The following TTC7B variants were observed in gnomAD, a reference collection of about 807,000 sequenced individuals.
TTC7B encodes the protein tetratricopeptide repeat protein 7B.
Under a neutral mutation model 106.8 loss-of-function variants are expected in TTC7B, and 28 were observed. The observed-to-expected ratio is 0.26, with a 90% CI of 0.19 to 0.36. TTC7B has a LOEUF of 0.36. Among genes scored for constraint, TTC7B ranks in the 10% least tolerant of loss-of-function variants. The probability of loss-of-function intolerance (pLI) is 1.00; values close to 1 mark genes in which losing one functional copy is unlikely to be tolerated. For missense variants in TTC7B, 862 were observed against 1,076.4 expected, an observed-to-expected ratio of 0.80 and a Z score of 2.79; for synonymous variants, 405 against 430.6, an observed-to-expected ratio of 0.94 and a Z score of 0.74.
intron 2 of TTC7B, among the ~76,000 whole-genome samples, 189 bp from the exon 3 acceptor site, chr14:90,781,095 G>A (rs1891206491): frequency 6.6e-6 from 1 of 152,146 alleles, no homozygotes. Flanking sequence ...ACCAAAATGT[G>A]GGCTAGCCAT....
Position 90,669,324 on chromosome 14 carries a change from C to G in TTC7B, c.1152+7199G>C, listed in dbSNP as rs116797335. Among the ~76,000 whole-genome samples, 1,307 of 152,234 alleles carry G rather than the reference C, an allele frequency of 8.6e-3. 15 individuals are homozygous for G. The highest frequency in any genetic ancestry group is 0.03 in the African/African-American group (1,249 of 41,538). Reference sequence around the variant, plus strand: ...TGGCAATGGATTCTTAGTTATGACACCAAAGGCATAAGCAACAAAATAAAA... The same window carrying G: ...TGGCAATGGATTCTTAGTTATGACAGCAAAGGCATAAGCAACAAAATAAAA... On this transcript the variant is annotated intron_variant, in intron 9 of 19. Coordinates refer to ENST00000328459, the MANE Select transcript of TTC7B (RefSeq NM_001010854.2).
chr14:90,657,274 G>A lies in TTC7B; in HGVS notation c.1241C>T (p.Ala414Val). 1.2e-6 allele frequency: 2 copies of A among 1,613,354 alleles called. No individual in the cohort carries two copies. The highest frequency in any genetic ancestry group is 8.5e-7 in the Non-Finnish European group (1 of 1,179,816). Reference protein sequence around the residue: ...ALSLMAAGKSARAVKVLKECI... With the variant: ...ALSLMAAGKSVRAVKVLKECI... ...CTCTTTCAGCACCTTCACGGCACGG[G>A]CAGACTTGGCAAGAGAAGATTATTT... Residue 414 changes from alanine (A) to valine (V), a missense_variant, in exon 11 of 20, where the codon GCC (alanine) becomes GTC (valine). By Grantham distance (64) the Ala-to-Val change is moderately conservative. Transcript: ENST00000328459. The surrounding 1 kb of genome is among the most constrained non-coding windows in gnomAD (Gnocchi z 4.2).
At chr14:90,711,209 A>G (rs1888431412) in intron 5 of TTC7B, among the ~76,000 whole-genome samples, 1 of 152,234 alleles carries the variant, frequency 6.6e-6, no homozygotes, top group South Asian at 2.1e-4. Flanking sequence ...AAAAGACTGT[A>G]TAAATATTGT....
At position 90,541,400 on chromosome 14, in the gene TTC7B, C is replaced by G. The variant is rs767640360; in HGVS notation, c.2500G>C (p.Val834Leu). The change falls in exon 20 of 20, where the codon GTG becomes CTG. Residue 834 changes from valine to leucine, a missense_variant. Coordinates refer to ENST00000328459, the MANE Select transcript of TTC7B (RefSeq NM_001010854.2). Reference protein sequence around the residue: ...ALELEASSPAVPFTIIPRVL With the variant: ...ALELEASSPALPFTIIPRVL ...ACGCGGGGGATGATGGTGAAGGGCACGGCGGGGCTGCTGGCCTCCAGCTCC... is the reference window on the plus strand; with the variant it reads ...ACGCGGGGGATGATGGTGAAGGGCAGGGCGGGGCTGCTGGCCTCCAGCTCC... The G allele has an allele frequency of 1.2e-6, 2 of 1,608,128 alleles. No individual in the cohort carries two copies. The highest frequency in any genetic ancestry group is 1.7e-4 in the Middle Eastern group (1 of 6,040).
intron 1 of TTC7B, among the ~76,000 whole-genome samples, chr14:90,797,222 AG>A (rs1337559163): frequency 1.9e-5 from 2 of 104,476 alleles, no homozygotes; most frequent in African/African-American, 5.3e-5. Flanking sequence ...TGGGGGGCCA[AG>A]GTGGGTGGAT....
At chr14:90,767,028 CAAAAAAAA>C (rs71301958) in intron 3 of TTC7B, 2 of 524,836 alleles carry the variant, frequency 3.8e-6, no homozygotes, top group Non-Finnish European at 6.0e-6. Flanking sequence ...GTTTATATAC[CAAAAAAAA>C]AAAAAAAAAG....
intron 16 of TTC7B, among the ~76,000 whole-genome samples, chr14:90,611,878 C>T (rs1167186358): frequency 6.6e-6 from 1 of 152,132 alleles, no homozygotes; most frequent in Non-Finnish European, 1.5e-5. Context: ...CAAAAAGAAC[C>T]ACGTCTGTCT....
At chr14:90,745,545 T>C (rs570631377) in intron 3 of TTC7B, among the ~76,000 whole-genome samples, 1 of 152,310 alleles carries the variant, frequency 6.6e-6, no homozygotes, top group East Asian at 1.9e-4. Context: ...GATAATCATA[T>C]AGCTTTTTTG....
chr14:90,583,733 T>C (rs757559970), intron 18 of TTC7B, among the ~76,000 whole-genome samples: 4 of 152,162 alleles, frequency 2.6e-5, no homozygotes, highest in Admixed American at 6.5e-5. Context: ...GCGTGGATAC[T>C]TCCTACCTTA....
At chr14:90,550,845 G>T (rs1267734274) in intron 19 of TTC7B, among the ~76,000 whole-genome samples, 1 of 152,152 alleles carries the variant, frequency 6.6e-6, no homozygotes. Context: ...GGTGTGGGAT[G>T]CTGTGGGGTA....
rs1361057947 is a variant in TTC7B, at chr14:90,578,338, TC to T, written c.2108-31del. 4.4e-6 allele frequency: 7 copies of T among 1,604,448 alleles called. No individual in the cohort carries two copies. In the East Asian group the frequency reaches 6.7e-5, roughly 15 times the overall value. On this transcript the variant is annotated intron_variant, in intron 18 of 19. Coordinates refer to ENST00000328459, the MANE Select transcript of TTC7B (RefSeq NM_001010854.2). The surrounding 1 kb of genome is among the most constrained non-coding windows in gnomAD (Gnocchi z 4.7). ...GAGGAGACAGCAACGGCACATGCTTTCCTGGTGCCCCTCTGAGGCCCTGCGA... is the reference window on the plus strand; with the variant it reads ...GAGGAGACAGCAACGGCACATGCTTTCTGGTGCCCCTCTGAGGCCCTGCGA...
At chr14:90,585,308 G>T (rs1484266789) in intron 18 of TTC7B, among the ~76,000 whole-genome samples, 1 of 152,236 alleles carries the variant, frequency 6.6e-6, no homozygotes, top group Non-Finnish European at 1.5e-5. Context: ...CCTAGCTGCA[G>T]CAGTGACAGG....
intron 19 of TTC7B, among the ~76,000 whole-genome samples, chr14:90,544,362 G>A (rs576427319): frequency 1.5e-4 from 23 of 152,298 alleles, no homozygotes; most frequent in South Asian, 2.1e-4. Flanking sequence ...AGAAGGTTCC[G>A]GGGTGGCCAA....
intron 1 of TTC7B, among the ~76,000 whole-genome samples, chr14:90,792,536 C>T (rs1891623150): frequency 6.6e-6 from 1 of 152,096 alleles, no homozygotes; most frequent in Non-Finnish European, 1.5e-5. Flanking sequence ...GAGATTGTGC[C>T]ACTGCACTCC....
intron 19 of TTC7B, among the ~76,000 whole-genome samples, chr14:90,544,459 G>T: frequency 6.6e-6 from 1 of 152,130 alleles, no homozygotes; most frequent in Non-Finnish European, 1.5e-5. Context: ...GAGTCCAGCT[G>T]CGGGTGGCAA....
chr14:90,714,287 T>A (rs1425898640), intron 5 of TTC7B, among the ~76,000 whole-genome samples: 1 of 151,828 alleles, frequency 6.6e-6, no homozygotes, highest in East Asian at 1.9e-4. Context: ...ATTACATTTA[T>A]GCAAAATTTC....
At chr14:90,726,504 G>T (rs568413849) in intron 5 of TTC7B, among the ~76,000 whole-genome samples, 3 of 152,296 alleles carry the variant, frequency 2.0e-5, no homozygotes, top group Admixed American at 6.5e-5. Flanking sequence ...CTTTCAGCTG[G>T]TAAGTCAGCC....
intron 2 of TTC7B, among the ~76,000 whole-genome samples, chr14:90,781,531 G>A (rs998555946): frequency 2.0e-5 from 3 of 152,142 alleles, no homozygotes; most frequent in African/African-American, 7.2e-5. Flanking sequence ...GGGCTGGGCC[G>A]GCTGGGAAGG....
At chr14:90,612,377 G>A (rs1595206091) in intron 16 of TTC7B, among the ~76,000 whole-genome samples, 1 of 152,180 alleles carries the variant, frequency 6.6e-6, no homozygotes, top group East Asian at 1.9e-4. Flanking sequence ...CAAATTATCT[G>A]AATATTGCAA....
Sources: gnomAD v4.1 joint callset for allele counts (sites outside exome capture counted in the v4.1 genomes callset) on GRCh38, gnomAD v4.1.1 for gene constraint, Gnocchi (gnomAD v3.1) non-coding constraint, MANE v1.5 for transcripts, NCBI Gene and HGNC (gene_info 2026-07-23, HGNC 2026-07-21) for gene names.